KCNH1: variants seen among roughly 807,000 people sequenced by gnomAD.
KCNH1 encodes voltage-gated delayed rectifier potassium channel KCNH1.
In KCNH1, 27 loss-of-function variants were observed where a neutral mutation model predicts 69.2. That is an observed-to-expected ratio of 0.39 (90% CI 0.29 to 0.54). KCNH1 has a LOEUF of 0.54. Among genes scored for constraint, KCNH1 ranks in the 20% least tolerant of loss-of-function variants. The pLI is 0.68. For synonymous variants in KCNH1, 456 were observed against 487.7 expected, an observed-to-expected ratio of 0.93 and a Z score of 0.86; for missense variants, 798 against 1,261.6, an observed-to-expected ratio of 0.63 and a Z score of 5.57.
chr1:210,815,602 C>T (rs1302888564), intron 7 of KCNH1, among the ~76,000 whole-genome samples: 2 of 152,164 alleles, frequency 1.3e-5, no homozygotes, highest in African/African-American at 4.8e-5. Flanking sequence ...CCCCACTCCA[C>T]CAGATACTCT....
intron 1 of KCNH1, among the ~76,000 whole-genome samples, chr1:211,119,295 G>A (rs1162845503): frequency 6.6e-6 from 1 of 152,160 alleles, no homozygotes; most frequent in Non-Finnish European, 1.5e-5. Flanking sequence ...AGGAGGCAGA[G>A]CTTGCAGTGA....
At chr1:210,935,011 A>G (rs1687750037) in intron 6 of KCNH1, among the ~76,000 whole-genome samples, 1 of 151,972 alleles carries the variant, frequency 6.6e-6, no homozygotes, top group South Asian at 2.1e-4. Context: ...AAAGGGAATC[A>G]GTATGTCAAA....
intron 1 of KCNH1, among the ~76,000 whole-genome samples, chr1:211,118,031 T>C (rs374810006): frequency 6.6e-6 from 1 of 152,208 alleles, no homozygotes; most frequent in African/African-American, 2.4e-5. Flanking sequence ...TGAACCATGT[T>C]GTATCAGGCT....
At chr1:211,104,322 T>C (rs1205296778) in intron 2 of KCNH1, among the ~76,000 whole-genome samples, 3 of 152,186 alleles carry the variant, frequency 2.0e-5, no homozygotes, top group Non-Finnish European at 4.4e-5. Context: ...GGAGACTTCC[T>C]GGTAAAGATG....
At chr1:210,989,579 T>C (rs929818475) in intron 6 of KCNH1, among the ~76,000 whole-genome samples, 1 of 152,204 alleles carries the variant, frequency 6.6e-6, no homozygotes, top group South Asian at 2.1e-4. Context: ...CATCAGGCTC[T>C]TAATAAAGGG....
intron 6 of KCNH1, among the ~76,000 whole-genome samples, chr1:210,998,968 G>A (rs1039938268): frequency 6.6e-6 from 1 of 152,188 alleles, no homozygotes; most frequent in African/African-American, 2.4e-5. Context: ...AAACCGATGA[G>A]AACAAAGACA....
intron 10 of KCNH1, among the ~76,000 whole-genome samples, chr1:210,704,439 G>A (rs1681856500): frequency 6.6e-6 from 1 of 152,124 alleles, no homozygotes; most frequent in Admixed American, 6.5e-5. Flanking sequence ...AACCGGAAGG[G>A]ACCTGGTCTA....
At chr1:210,846,341 T>G (rs1198995708) in intron 7 of KCNH1, among the ~76,000 whole-genome samples, 1 of 152,164 alleles carries the variant, frequency 6.6e-6, no homozygotes, top group African/African-American at 2.4e-5. Flanking sequence ...ACTACAAGGC[T>G]ACAGTAATCA....
chr1:211,039,622 C>G (rs904885612), intron 5 of KCNH1, among the ~76,000 whole-genome samples: 9 of 152,158 alleles, frequency 5.9e-5, no homozygotes, highest in African/African-American at 2.2e-4. Flanking sequence ...ATCAGCGTGA[C>G]CTGGATGTGA....
intron 10 of KCNH1, among the ~76,000 whole-genome samples, chr1:210,753,003 C>T (rs1394918004): frequency 6.6e-6 from 1 of 152,024 alleles, no homozygotes; most frequent in East Asian, 1.9e-4. Flanking sequence ...TGGTCACAAG[C>T]CAAGGATCAC....
intron 3 of KCNH1, among the ~76,000 whole-genome samples, chr1:211,093,105 G>A (rs1412022174): frequency 6.6e-6 from 1 of 152,088 alleles, no homozygotes; most frequent in Admixed American, 6.5e-5. Flanking sequence ...CTGCAGCCCT[G>A]CAGCCCATCA....
At chr1:210,692,837 CTTTA>C (rs547396036) in intron 10 of KCNH1, among the ~76,000 whole-genome samples, 3 of 152,306 alleles carry the variant, frequency 2.0e-5, no homozygotes, top group African/African-American at 7.2e-5. Context: ...CAGTAGACAA[CTTTA>C]TTTCAGACCT....
chr1:211,074,954 C>T lies in KCNH1; in HGVS notation c.558+7826G>A, dbSNP rs1268834809. On this transcript the variant is annotated intron_variant, in intron 5 of 10. Coordinates refer to ENST00000271751, the MANE Select transcript of KCNH1 (RefSeq NM_172362.3). ...AATAAATCTCTTAATATTAAGTATC[C>T]TACCAGCTCTGTTTCTCTGGTAGAA... Among the ~76,000 whole-genome samples, 4 of 152,180 alleles carry T rather than the reference C, an allele frequency of 2.6e-5. No homozygotes were observed. In the East Asian group the frequency reaches 5.8e-4, roughly 22 times the overall value.
At chr1:210,899,697 G>C (rs1686954051) in intron 7 of KCNH1, among the ~76,000 whole-genome samples, 1 of 152,098 alleles carries the variant, frequency 6.6e-6, no homozygotes, top group Non-Finnish European at 1.5e-5. Flanking sequence ...CATTCTACTA[G>C]GTGGTTTATA....
chr1:210,860,941 T>G (rs1685964920), intron 7 of KCNH1: 3 of 964,412 alleles, frequency 3.1e-6, no homozygotes, highest in Non-Finnish European at 5.1e-6. Flanking sequence ...ATTACAGATC[T>G]TTTTCTTCAG....
In KCNH1 at chr1:211,072,716, T is replaced by A. The variant is rs551385067; in HGVS notation, c.558+10064A>T. ...TTTAGGGCAACCACTGAAAAAAAAA[T>A]TTTTTTTGCATTTTGATTGCTGCTA... is the stretch of plus-strand genomic sequence containing the variant. On this transcript the variant is annotated intron_variant, in intron 5 of 10. Transcript: ENST00000271751. 2.6e-3 allele frequency among the ~76,000 whole-genome samples: 399 copies of A among 151,924 alleles called. 1 individual carries two copies. Among genetic ancestry groups the A allele is most frequent in the South Asian group, 7.3e-3 (35 of 4,810 alleles).
At chr1:210,844,496 G>C (rs1014814682) in intron 7 of KCNH1, among the ~76,000 whole-genome samples, 4 of 152,208 alleles carry the variant, frequency 2.6e-5, no homozygotes, top group African/African-American at 9.6e-5. Context: ...ATAATGAAAT[G>C]AAGACAGAAA....
intron 7 of KCNH1, among the ~76,000 whole-genome samples, chr1:210,913,399 G>T (rs182157267): frequency 7.5e-4 from 113 of 151,464 alleles, no homozygotes; most frequent in Middle Eastern, 3.4e-3. Context: ...AAAGTTAACT[G>T]GGAAGAGCAA....
chr1:211,001,033 T>C (rs1381545750), intron 6 of KCNH1, among the ~76,000 whole-genome samples: 5 of 152,058 alleles, frequency 3.3e-5, no homozygotes, highest in Non-Finnish European at 7.4e-5. Flanking sequence ...TAAAGACTTA[T>C]ATGTTAGACC....
Sources: gnomAD v4.1 joint callset for allele counts (sites outside exome capture counted in the v4.1 genomes callset) on GRCh38, gnomAD v4.1.1 for gene constraint, MANE v1.5 for transcripts, NCBI Gene and HGNC (gene_info 2026-07-23, HGNC 2026-07-21) for gene names.